The following ABCA13 variants were observed in gnomAD, a reference collection of about 807,000 sequenced individuals.
ABCA13 encodes ATP-binding cassette sub-family A member 13.
ABCA13 carries 476 observed loss-of-function variants against 478.7 expected under a neutral mutation model. The ratio of observed to expected loss-of-function variants is 0.99; its 90% CI spans 0.92 to 1.07. The LOEUF (loss-of-function observed/expected upper bound fraction) is 1.07. Among genes scored for constraint, ABCA13 ranks in the 50% least tolerant of loss-of-function variants. The pLI is 0.00. For missense variants in ABCA13, 6,060 were observed against 5,910.6 expected (o/e 1.03, Z -0.83); for synonymous variants, 2,252 against 2,158.9 (o/e 1.04, Z -1.20).
chr7:48,272,641 C>G lies in ABCA13; in HGVS notation c.2975C>G (p.Ser992Ter). Reference protein sequence around the residue: ...GSSLTFLTQISKHILDIIKQF... With the variant: ...GSSLTFLTQI ...TCGTTGACTTTCCTTACACAAATCT[C>G]AAAACACATTTTGGATATCATAAAA... The change falls in exon 17 of 62, where the codon TCA (serine) becomes TGA (stop). Residue 992 changes from serine (S) to a stop codon, truncating the protein, a stop_gained. Transcript: ENST00000435803. LOFTEE classifies it high-confidence loss of function. 1 of 1,613,068 alleles carries G rather than the reference C, an allele frequency of 6.2e-7. No individual in the cohort carries two copies. Among genetic ancestry groups the G allele is most frequent in the Non-Finnish European group, 8.5e-7 (1 of 1,179,458 alleles).
chr7:48,584,738 G>GTT (rs143779797), intron 56 of ABCA13, among the ~76,000 whole-genome samples: 4 of 151,812 alleles, frequency 2.6e-5, no homozygotes, highest in Non-Finnish European at 5.9e-5. Context: ...GCTATTAGAA[G>GTT]TTTTTTTTTA....
At chr7:48,563,767 C>T (rs1786706592) in intron 55 of ABCA13, among the ~76,000 whole-genome samples, 1 of 150,002 alleles carries the variant, frequency 6.7e-6, no homozygotes, top group African/African-American at 2.5e-5. Flanking sequence ...CGTGTATGGT[C>T]TAGCTTTTGT....
At chr7:48,477,284 T>A (rs1282363481) in intron 45 of ABCA13, among the ~76,000 whole-genome samples, 1 of 152,170 alleles carries the variant, frequency 6.6e-6, no homozygotes, top group Non-Finnish European at 1.5e-5. Flanking sequence ...ACTTTTACAC[T>A]GTTGGTGGGA....
rs1792000687 is a variant in ABCA13, at chr7:48,248,232, T to A, written c.1660-7T>A. The A allele has an allele frequency of 6.2e-7, 1 of 1,608,156 alleles. No individual in the cohort carries two copies. The highest frequency in any genetic ancestry group is 8.5e-7 in the Non-Finnish European group (1 of 1,175,480). On this transcript the variant is annotated splice_region_variant and splice_polypyrimidine_tract_variant and intron_variant, in intron 13 of 61. Coordinates refer to ENST00000435803, the MANE Select transcript of ABCA13 (RefSeq NM_152701.5). ...TATTATAAGCAATATCTTCTTTTCT[T>A]GTTAAGGATCGTATTTTGCAAGAGG...
intron 2 of ABCA13, among the ~76,000 whole-genome samples, chr7:48,195,887 A>G (rs922662998): frequency 4.6e-5 from 7 of 152,238 alleles, no homozygotes; most frequent in East Asian, 3.9e-4. Context: ...AGGACTGACA[A>G]GTTCTCCAGG....
In ABCA13 at chr7:48,310,063, T is replaced by G; in HGVS notation, c.9438T>G (p.Cys3146Trp). ...EKSWIAAEEL[C>W]SLPGSKVYSL... is the part of the protein sequence containing the mutation. ...CTTGGATCGCAGCGGAGGAACTCTG[T>G]AGCCTGCCAGGGTCAAAAGTGTATT... The change falls in exon 24 of 62, where the codon TGT becomes TGG. Residue 3146 changes from cysteine to tryptophan, a missense_variant. This residue lies in a region of ABCA13 where 4,423 missense variants were observed against 4,309.1 expected (regional missense o/e 1.03). Transcript: ENST00000435803. The G allele has an allele frequency of 6.2e-7, 1 of 1,613,916 alleles. No homozygotes were observed. The highest frequency in any genetic ancestry group is 2.2e-5 in the East Asian group (1 of 44,880).
intron 51 of ABCA13, among the ~76,000 whole-genome samples, chr7:48,514,568 C>A: frequency 6.6e-6 from 1 of 152,208 alleles, no homozygotes; most frequent in East Asian, 1.9e-4. Flanking sequence ...CAAACTTCTA[C>A]TACTGCTTAT....
chr7:48,408,218 A>G (rs1375839403), intron 39 of ABCA13, among the ~76,000 whole-genome samples: 1 of 152,076 alleles, frequency 6.6e-6, no homozygotes, highest in Non-Finnish European at 1.5e-5. Context: ...CTTAACTAAC[A>G]TCTCCCTCCT....
At chr7:48,388,030 T>C (rs1412979605) in intron 36 of ABCA13, 71 bp downstream of exon 36, 22 of 1,518,096 alleles carry the variant, frequency 1.4e-5, no homozygotes, top group Non-Finnish European at 2.0e-5. Flanking sequence ...TTTTGTTTGT[T>C]TTTATGGTCC....
chr7:48,270,088 C>CT (rs1232930425), intron 16 of ABCA13, among the ~76,000 whole-genome samples: 1 of 152,116 alleles, frequency 6.6e-6, no homozygotes, highest in African/African-American at 2.4e-5. Context: ...GGCACAGTGT[C>CT]TTTCATCATG....
At chr7:48,464,934 G>C (rs1191313212) in intron 43 of ABCA13, among the ~76,000 whole-genome samples, 1 of 152,204 alleles carries the variant, frequency 6.6e-6, no homozygotes, top group Admixed American at 6.5e-5. Flanking sequence ...TGGAATCGGT[G>C]TTCCAACCAA....
At chr7:48,477,996 A>G (rs935434015) in intron 45 of ABCA13, among the ~76,000 whole-genome samples, 1 of 151,866 alleles carries the variant, frequency 6.6e-6, no homozygotes, top group African/African-American at 2.4e-5. Flanking sequence ...GGAAAACACC[A>G]TTTTAGAAGG....
chr7:48,273,978 G>GT lies in ABCA13; in HGVS notation c.4313dup (p.Thr1439AsnfsTer30). On this transcript the variant is annotated frameshift_variant, in exon 17 of 62. Coordinates refer to ENST00000435803, the MANE Select transcript of ABCA13 (RefSeq NM_152701.5). LOFTEE classifies it high-confidence loss of function. The stretch of plus-strand genomic sequence containing the variant: ...CAAAATGAACTCTATATTAAAAATT[G>GT]TAACTTGGGTGTTAAATATAAAAAA... The GT allele has an allele frequency of 1.9e-6, 3 of 1,609,542 alleles. No homozygotes were observed. The highest frequency in any genetic ancestry group is 2.5e-6 in the Non-Finnish European group (3 of 1,177,286).
intron 18 of ABCA13, among the ~76,000 whole-genome samples, chr7:48,280,833 T>G (rs1796933951): frequency 6.6e-6 from 1 of 152,240 alleles, no homozygotes; most frequent in African/African-American, 2.4e-5. Context: ...GGAATTTGAC[T>G]GCTAGTTTTC....
At chr7:48,444,577 A>T (rs1466768803) in intron 42 of ABCA13, among the ~76,000 whole-genome samples, 1 of 151,936 alleles carries the variant, frequency 6.6e-6, no homozygotes, top group Non-Finnish European at 1.5e-5. Context: ...CCTGACCTTC[A>T]TCTGTTAGAG....
At chr7:48,201,846 CT>C (rs1798775625) in intron 3 of ABCA13, among the ~76,000 whole-genome samples, 1 of 152,204 alleles carries the variant, frequency 6.6e-6, no homozygotes, top group African/African-American at 2.4e-5. Flanking sequence ...AGTGTTACAG[CT>C]CTTAAGGTGG....
chr7:48,403,083 A>G (rs1324841167), intron 38 of ABCA13, among the ~76,000 whole-genome samples: 1 of 152,258 alleles, frequency 6.6e-6, no homozygotes, highest in Non-Finnish European at 1.5e-5. Context: ...TGCACTGGGT[A>G]TCTGAGATCT....
At chr7:48,406,646 G>T (rs1337147434) in intron 39 of ABCA13, among the ~76,000 whole-genome samples, 1 of 152,154 alleles carries the variant, frequency 6.6e-6, no homozygotes, top group Non-Finnish European at 1.5e-5. Flanking sequence ...GCCAAGATGG[G>T]TGGATCACTT....
At chr7:48,474,543 G>A (rs1827866707) in intron 45 of ABCA13, among the ~76,000 whole-genome samples, 1 of 152,162 alleles carries the variant, frequency 6.6e-6, no homozygotes, top group African/African-American at 2.4e-5. Flanking sequence ...GGAGGGGATT[G>A]AGGACTTATG....
Sources: allele counts gnomAD v4.1 joint callset (sites outside exome capture counted in the v4.1 genomes callset), GRCh38; gene constraint gnomAD v4.1.1; regional missense constraint gnomAD v4.1.1; transcripts MANE v1.5; gene names NCBI Gene and HGNC (gene_info 2026-07-23, HGNC 2026-07-21).